Variants in MRTFB observed in about 807,000 individuals in gnomAD.
The protein encoded by MRTFB is myocardin-related transcription factor B.
In MRTFB, 29 loss-of-function variants were observed where a neutral mutation model predicts 104.2. The observed-to-expected ratio is 0.28, with a 90% CI of 0.21 to 0.38. The LOEUF is 0.38. MRTFB is among the 10% of genes least tolerant of loss of function. The pLI, the probability that MRTFB is intolerant of heterozygous loss-of-function variation, is 1.00. For missense variants in MRTFB, 1,270 were observed against 1,341.6 expected (o/e 0.95, Z 0.83); for synonymous variants, 535 against 519.5 (o/e 1.03, Z -0.41).
intron 6 of MRTFB, 142 bp from the exon 7 acceptor site, chr16:14,216,984 A>G (rs2041456117): frequency 2.5e-6 from 2 of 796,966 alleles, no homozygotes; most frequent in South Asian, 6.2e-5. Context: ...ATTCTTAAAC[A>G]GTCATTTTCT....
At chr16:14,234,852 C>T (rs2042424583) in intron 9 of MRTFB, among the ~76,000 whole-genome samples, 1 of 152,028 alleles carries the variant, frequency 6.6e-6, no homozygotes, top group Non-Finnish European at 1.5e-5. Context: ...GTTCTGCCAC[C>T]CAGGCCACTA....
intron 3 of MRTFB, chr16:14,148,630 T>C (rs1597077164): frequency 6.5e-6 from 1 of 152,682 alleles, no homozygotes; most frequent in Admixed American, 6.5e-5. Flanking sequence ...ACGTTGGCTC[T>C]CCTGCCCTCA....
intron 8 of MRTFB, among the ~76,000 whole-genome samples, chr16:14,231,126 A>C (rs2042243001): frequency 7.4e-6 from 1 of 135,292 alleles, no homozygotes. Context: ...CACTCTGGGG[A>C]CTGTTGTGGG....
chr16:14,131,057 A>G (rs1035784410), intron 2 of MRTFB, among the ~76,000 whole-genome samples: 2 of 152,116 alleles, frequency 1.3e-5, no homozygotes, highest in African/African-American at 4.8e-5. Flanking sequence ...ATCATGTGCT[A>G]TGACCCAAGC....
At chr16:14,195,169 G>A (rs1312661712) in intron 3 of MRTFB, among the ~76,000 whole-genome samples, 6 of 152,110 alleles carry the variant, frequency 3.9e-5, no homozygotes, top group Non-Finnish European at 7.4e-5. Flanking sequence ...TTTAAACACC[G>A]AAAACATCCA....
chr16:14,260,170 C>T (rs767607270), intron 16 of MRTFB, among the ~76,000 whole-genome samples: 10 of 152,078 alleles, frequency 6.6e-5, no homozygotes, highest in Non-Finnish European at 1.3e-4. Context: ...TTTATATAAG[C>T]TCAGAAAACA....
intron 4 of MRTFB, among the ~76,000 whole-genome samples, chr16:14,211,863 A>G (rs565643691): frequency 1.2e-3 from 183 of 152,282 alleles, no homozygotes; most frequent in Non-Finnish European, 1.9e-3. Context: ...TTGCAAGGTT[A>G]TTGCAGGGAC....
At chr16:14,079,382 CAAA>C (rs1003341976) in intron 2 of MRTFB, 28 bp downstream of exon 2, 2 of 345,194 alleles carry the variant, frequency 5.8e-6, no homozygotes, top group African/African-American at 4.2e-5. Flanking sequence ...TTTTTTTTAA[CAAA>C]GAAACTGTAA....
intron 2 of MRTFB, among the ~76,000 whole-genome samples, chr16:14,105,924 C>A (rs186338574): frequency 1.3e-5 from 2 of 152,090 alleles, no homozygotes; most frequent in Non-Finnish European, 2.9e-5. Context: ...CTTGCCTTTC[C>A]TAGTATTATA....
At chr16:14,124,656 G>A (rs1039561320) in intron 2 of MRTFB, among the ~76,000 whole-genome samples, 53 of 152,270 alleles carry the variant, frequency 3.5e-4, no homozygotes, top group African/African-American at 1.2e-3. Context: ...TGCTGGATTC[G>A]GTTTGCCAGT....
rs552047991 is a variant in MRTFB, at chr16:14,237,405, C to T, written c.832-2832C>T. On this transcript the variant is annotated intron_variant, in intron 9 of 16. Coordinates refer to ENST00000571589, the MANE Select transcript of MRTFB (RefSeq NM_001308142.2). ...AACTGTATCAAAGGCTGCTGTGCCT[C>T]AGTTAAGATGAGTGCTGGGAACTGG... Among the ~76,000 whole-genome samples the T allele has an allele frequency of 7.0e-5, 10 of 142,880 alleles. No individual in the cohort carries two copies. In the East Asian group the frequency reaches 1.7e-3, roughly 25 times the overall value. 93.7% of individuals were successfully genotyped at this position (142,880 alleles called of 152,430 possible).
upstream of MRTFB, among the ~76,000 whole-genome samples, chr16:14,066,564 T>C (rs1220568379): frequency 2.0e-5 from 3 of 152,124 alleles, no homozygotes; most frequent in Non-Finnish European, 2.9e-5. Flanking sequence ...TGAGCCACCG[T>C]GCCCGGCCTA....
chr16:14,184,101 ATT>A (rs1190101880), intron 3 of MRTFB, among the ~76,000 whole-genome samples: 1 of 139,728 alleles, frequency 7.2e-6, no homozygotes, highest in Non-Finnish European at 1.5e-5. Flanking sequence ...AAAAGTTGGC[ATT>A]TATTGTTTTC....
At chr16:14,075,251 C>T (rs1188767723) in intron 1 of MRTFB, among the ~76,000 whole-genome samples, 1 of 152,212 alleles carries the variant, frequency 6.6e-6, no homozygotes, top group Non-Finnish European at 1.5e-5. Flanking sequence ...GTGCAGGTTT[C>T]ACAGCAAACT....
intron 3 of MRTFB, among the ~76,000 whole-genome samples, chr16:14,183,398 T>C (rs1733479317): frequency 6.6e-6 from 1 of 152,204 alleles, no homozygotes; most frequent in Admixed American, 6.5e-5. Context: ...AAGAACTCAA[T>C]GTCATATGTG....
chr16:14,051,563 C>T, the MRTFB span, among the ~76,000 whole-genome samples: 4 of 151,924 alleles, frequency 2.6e-5, no homozygotes, highest in Non-Finnish European at 5.9e-5. Flanking sequence ...ACAGTACACT[C>T]ATACAAATAC....
At chr16:14,188,820 C>A (rs888242873) in intron 3 of MRTFB, among the ~76,000 whole-genome samples, 1 of 152,060 alleles carries the variant, frequency 6.6e-6, no homozygotes, top group African/African-American at 2.4e-5. Context: ...TTGCTTTTTT[C>A]GTATTTCTTT....
chr16:14,186,637 G>A, intron 3 of MRTFB: 1 of 1,171,812 alleles, frequency 8.5e-7, no homozygotes, highest in Non-Finnish European at 1.1e-6. Context: ...GCTGGGAAAA[G>A]GGGTGGGATT....
At position 14,261,040 on chromosome 16, in the gene MRTFB, G is replaced by T. The variant is rs746541310; in HGVS notation, c.2896G>T (p.Val966Leu). Residue 966 changes from valine to leucine, a missense_variant, in exon 17 of 17, where the codon GTA becomes TTA. Coordinates refer to ENST00000571589, the MANE Select transcript of MRTFB (RefSeq NM_001308142.2). The part of the protein sequence containing the change: ...PPPQVQMAPP[V>L]SLEPMGSLSA... ...ACCCCAAGTCCAAATGGCACCACCT[G>T]TATCTTTAGAACCTATGGGCAGTTT... 2 of 1,614,044 alleles carry T rather than the reference G, an allele frequency of 1.2e-6. No individual in the cohort carries two copies. Among genetic ancestry groups the T allele is most frequent in the African/African-American group, 1.3e-5 (1 of 74,916 alleles).
Sources: allele counts gnomAD v4.1 joint callset (sites outside exome capture counted in the v4.1 genomes callset), GRCh38; gene constraint gnomAD v4.1.1; transcripts MANE v1.5; gene names NCBI Gene and HGNC (gene_info 2026-07-23, HGNC 2026-07-21).